The following ARMH3 variants were observed in gnomAD, a reference collection of about 807,000 sequenced individuals.
ARMH3 encodes armadillo like helical domain containing 3.
In ARMH3, 60 loss-of-function variants were observed where a neutral mutation model predicts 99.1. That is an observed-to-expected ratio of 0.61 (90% CI 0.49 to 0.75). The LOEUF (loss-of-function observed/expected upper bound fraction) is 0.75, where lower values mean the gene tolerates loss of function less well. Ranked by LOEUF, ARMH3 falls within the 30% of genes least tolerant of loss-of-function variation. The pLI, the probability that ARMH3 is intolerant of heterozygous loss-of-function variation, is 0.00. For synonymous variants in ARMH3, 285 were observed against 292.8 expected, an observed-to-expected ratio of 0.97 and a Z score of 0.27; for missense variants, 679 against 843.1, an observed-to-expected ratio of 0.81 and a Z score of 2.41.
intron 24 of ARMH3, among the ~76,000 whole-genome samples, chr10:101,868,443 A>G (rs2067056989): frequency 6.6e-6 from 1 of 152,232 alleles, no homozygotes; most frequent in African/African-American, 2.4e-5. Flanking sequence ...AAAATGTTAG[A>G]CAGAAATTAT....
intron 20 of ARMH3, among the ~76,000 whole-genome samples, chr10:101,971,784 G>A (rs1202614862): frequency 3.3e-5 from 5 of 152,084 alleles, no homozygotes; most frequent in African/African-American, 1.2e-4. Flanking sequence ...CAAAAGTAAA[G>A]AACTATTTCA....
chr10:101,917,853 T>C (rs941838794), intron 23 of ARMH3, among the ~76,000 whole-genome samples: 8 of 152,204 alleles, frequency 5.3e-5, no homozygotes, highest in African/African-American at 1.9e-4. Flanking sequence ...ATGCTAAATA[T>C]GCCTGTTCCT....
intron 20 of ARMH3, among the ~76,000 whole-genome samples, chr10:101,966,911 A>C (rs187320627): frequency 7.9e-5 from 12 of 152,328 alleles, no homozygotes; most frequent in African/African-American, 2.4e-4. Context: ...TCAAAAAAGG[A>C]GAGGGGAGGC....
intron 19 of ARMH3, among the ~76,000 whole-genome samples, chr10:101,975,923 G>A (rs1394374616): frequency 2.0e-5 from 3 of 151,308 alleles, no homozygotes; most frequent in African/African-American, 4.8e-5. Flanking sequence ...AGGAGGCCGA[G>A]GCGGGCAGAT....
chr10:102,007,913 T>C lies in ARMH3; in HGVS notation c.955-1280A>G, dbSNP rs916790295. 6.0e-5 allele frequency among the ~76,000 whole-genome samples: 9 copies of C among 150,810 alleles called. No individual in the cohort carries two copies. In the South Asian group the frequency reaches 8.4e-4, roughly 14 times the overall value. ...GTTCCACAACAAACAAAAGTGTGTG[T>C]GCCTTCATTGGGAGGCAAAGACATG... On this transcript the variant is annotated intron_variant, in intron 13 of 25. Coordinates refer to ENST00000370033, the MANE Select transcript of ARMH3 (RefSeq NM_024541.3).
intron 5 of ARMH3, among the ~76,000 whole-genome samples, chr10:102,028,290 T>C (rs1051755494): frequency 5.3e-5 from 8 of 152,102 alleles, no homozygotes; most frequent in Admixed American, 5.2e-4. Context: ...GGGTCATGCT[T>C]ATAATCTCAG....
At chr10:102,009,813 T>A (rs1247546532) in intron 12 of ARMH3, among the ~76,000 whole-genome samples, 164 bp downstream of exon 12, 1 of 152,150 alleles carries the variant, frequency 6.6e-6, no homozygotes, top group Non-Finnish European at 1.5e-5. Context: ...AAGCAGAAAT[T>A]TCTAAGGGTC....
chr10:101,927,249 A>G (rs1843543652), intron 23 of ARMH3, among the ~76,000 whole-genome samples: 1 of 152,224 alleles, frequency 6.6e-6, no homozygotes, highest in Admixed American at 6.5e-5. Flanking sequence ...TAGGAGATCC[A>G]ATCAATTACT....
At chr10:102,026,735 C>T (rs901738876) in intron 5 of ARMH3, among the ~76,000 whole-genome samples, 5 of 152,088 alleles carry the variant, frequency 3.3e-5, no homozygotes, top group Non-Finnish European at 7.4e-5. Flanking sequence ...GGTCTTTATC[C>T]TGTTAGTGAC....
chr10:101,962,927 C>A (rs1356672348), intron 20 of ARMH3, among the ~76,000 whole-genome samples: 1 of 151,788 alleles, frequency 6.6e-6, no homozygotes, highest in Non-Finnish European at 1.5e-5. Flanking sequence ...AACAAAGTGA[C>A]CAAAGGAAAA....
At chr10:101,937,443 T>C (rs10883696) in intron 23 of ARMH3, among the ~76,000 whole-genome samples, 84,334 of 150,880 alleles carry the variant, frequency 0.56, 23,730 homozygotes, top group East Asian at 0.8. Context: ...TGCTTGAGCC[T>C]GGGAAGCGGA....
chr10:101,971,720 G>A (rs924319852), intron 20 of ARMH3, among the ~76,000 whole-genome samples: 3 of 152,130 alleles, frequency 2.0e-5, no homozygotes, highest in Non-Finnish European at 2.9e-5. Context: ...ATATATATGT[G>A]CAAATGGACA....
At chr10:101,961,660 T>C (rs1311775637) in intron 20 of ARMH3, among the ~76,000 whole-genome samples, 1 of 152,162 alleles carries the variant, frequency 6.6e-6, no homozygotes, top group Non-Finnish European at 1.5e-5. Flanking sequence ...GAGCTCATGC[T>C]AACAGGCTCC....
intron 1 of ARMH3, among the ~76,000 whole-genome samples, chr10:102,047,603 C>A (rs2067588164): frequency 6.6e-6 from 1 of 151,968 alleles, no homozygotes; most frequent in Admixed American, 6.6e-5. Flanking sequence ...CCTTCCACCT[C>A]AGCCTCCCAA....
chr10:101,941,869 A>G (rs967106828), intron 22 of ARMH3, among the ~76,000 whole-genome samples: 10 of 152,130 alleles, frequency 6.6e-5, no homozygotes, highest in African/African-American at 1.9e-4. Context: ...TCAATTGTGA[A>G]ATTTATTTAG....
In ARMH3 at chr10:101,845,668, G is replaced by C. The variant is rs1191129610; in HGVS notation, c.*1860C>G. 1 of 152,242 alleles carries C rather than the reference G, an allele frequency of 6.6e-6. No individual in the cohort carries two copies. The highest frequency in any genetic ancestry group is 2.4e-5 in the African/African-American group (1 of 41,462). 9.4% of individuals were successfully genotyped at this position (152,242 alleles called of 1,614,324 possible). ...CAGCTCCAAATCCAGCTGCCTTGGGGATTTATCACCAGGGAAAACACTAAA... is the reference window on the plus strand; with the variant it reads ...CAGCTCCAAATCCAGCTGCCTTGGGCATTTATCACCAGGGAAAACACTAAA... On this transcript the variant is annotated 3_prime_UTR_variant, in exon 26 of 26. Coordinates refer to ENST00000370033, the MANE Select transcript of ARMH3 (RefSeq NM_024541.3).
chr10:101,899,837 C>CA (rs2067931120), intron 23 of ARMH3, among the ~76,000 whole-genome samples: 1 of 151,954 alleles, frequency 6.6e-6, no homozygotes. Flanking sequence ...CTTTTCAGGA[C>CA]CAAAGACACA....
At chr10:102,039,490 A>C (rs764111774) in intron 2 of ARMH3, among the ~76,000 whole-genome samples, 1 of 152,174 alleles carries the variant, frequency 6.6e-6, no homozygotes, top group South Asian at 2.1e-4. Context: ...ATCAGTTCTG[A>C]AGACCCAAAG....
intron 23 of ARMH3, among the ~76,000 whole-genome samples, chr10:101,929,882 G>A (rs1003979650): frequency 1.3e-5 from 2 of 152,050 alleles, no homozygotes; most frequent in African/African-American, 4.8e-5. Flanking sequence ...GACCAGAAGA[G>A]TTTTAGGTTT....
Sources: gnomAD v4.1 joint callset for allele counts (sites outside exome capture counted in the v4.1 genomes callset) on GRCh38, gnomAD v4.1.1 for gene constraint, MANE v1.5 for transcripts, NCBI Gene and HGNC (gene_info 2026-07-23, HGNC 2026-07-21) for gene names.